STK4: variants seen among roughly 807,000 people sequenced by gnomAD.
STK4 encodes the protein serine/threonine kinase 4.
A neutral mutation model predicts 64.9 loss-of-function variants in STK4; 30 were observed. The observed-to-expected ratio is 0.46, with a 90% CI of 0.35 to 0.63. The LOEUF (loss-of-function observed/expected upper bound fraction) is 0.63. STK4 is among the 20% of genes least tolerant of loss of function. The probability of loss-of-function intolerance (pLI) is 0.01; values close to 1 mark genes in which losing one functional copy is unlikely to be tolerated. For synonymous variants in STK4, 177 were observed against 199.0 expected (o/e 0.89, Z 0.93); for missense variants, 466 against 598.5 (o/e 0.78, Z 2.31).
Position 44,981,813 on chromosome 20 carries a change from GTC to G in STK4, c.246-4_246-3del, listed in dbSNP as rs200105994. 1.8e-3 allele frequency: 2,578 copies of G among 1,408,698 alleles called. No homozygotes were observed. Among genetic ancestry groups the G allele is most frequent in the Non-Finnish European group, 2.1e-3 (2,144 of 1,004,112 alleles). 87.3% of individuals were successfully genotyped at this position (1,408,698 alleles called of 1,614,324 possible). A position where few individuals can be genotyped will look rare whatever the true frequency, so the allele number is the denominator to read the frequency against. On this transcript the variant is annotated splice_polypyrimidine_tract_variant and intron_variant, in intron 3 of 10. Coordinates refer to ENST00000372806, the MANE Select transcript of STK4 (RefSeq NM_006282.5). Reference sequence around the variant, plus strand: ...GAAGGCCATTTTATTAATTTGTATTGTCTCTCTCTCTCTAGCCCTCATGTAGT... The same window carrying G: ...GAAGGCCATTTTATTAATTTGTATTGTCTCTCTCTCTAGCCCTCATGTAGT...
chr20:44,988,003 G>T (rs1200459959), intron 5 of STK4, among the ~76,000 whole-genome samples: 5 of 150,710 alleles, frequency 3.3e-5, no homozygotes, highest in African/African-American at 1.2e-4. Flanking sequence ...TTATAAGTCT[G>T]CCTGGGACAT....
chr20:45,033,855 C>T (rs2068485355), intron 10 of STK4, among the ~76,000 whole-genome samples: 3 of 152,116 alleles, frequency 2.0e-5, no homozygotes. Flanking sequence ...GCTGGGATTA[C>T]AGGTGTGAGC....
intron 10 of STK4, among the ~76,000 whole-genome samples, chr20:45,062,989 C>CTTTTTTTTTTTTTTTTTTTTTTTTT (rs71197599): frequency 3.2e-5 from 1 of 31,500 alleles, no homozygotes; most frequent in Non-Finnish European, 5.8e-5. Context: ...CGCACCCGGC[C>CTTTTTTTTTTTTTTTTTTTTTTTTT]TTTTTTTTTT....
chr20:45,006,120 T>C (rs1337601066), intron 9 of STK4, among the ~76,000 whole-genome samples: 2 of 151,780 alleles, frequency 1.3e-5, no homozygotes, highest in Non-Finnish European at 2.9e-5. Flanking sequence ...TCTGGCTCTG[T>C]ACTTTTCAAT....
At chr20:45,007,507 A>G (rs1190032258) in intron 9 of STK4, among the ~76,000 whole-genome samples, 1 of 151,778 alleles carries the variant, frequency 6.6e-6, no homozygotes, top group Non-Finnish European at 1.5e-5. Context: ...AAATCGCGCC[A>G]CTGCACTCCA....
intron 1 of STK4, among the ~76,000 whole-genome samples, chr20:44,970,188 C>T (rs1490687450): frequency 6.6e-6 from 1 of 151,730 alleles, no homozygotes; most frequent in African/African-American, 2.4e-5. Flanking sequence ...ATGTAACTAA[C>T]CTGCACATTG....
At chr20:44,987,939 T>A (rs945778063) in intron 5 of STK4, among the ~76,000 whole-genome samples, 6 of 151,926 alleles carry the variant, frequency 3.9e-5, no homozygotes, top group Non-Finnish European at 7.4e-5. Flanking sequence ...ATATATATAG[T>A]GTGTGTTTAG....
At chr20:45,053,585 G>A (rs1978304085) in intron 10 of STK4, among the ~76,000 whole-genome samples, 1 of 152,172 alleles carries the variant, frequency 6.6e-6, no homozygotes, top group African/African-American at 2.4e-5. Flanking sequence ...TTAGGCCCTA[G>A]GAAGGACTGT....
Position 44,995,158 on chromosome 20 carries a change from A to G in STK4, c.594A>G (p.Glu198=). 1 of 1,614,020 alleles carries G rather than the reference A, an allele frequency of 6.2e-7. No homozygotes were observed. The highest frequency in any genetic ancestry group is 2.2e-5 in the East Asian group (1 of 44,870). Residue 198 remains glutamate (E), a synonymous_variant, in exon 6 of 11, where the codon GAA becomes GAG. Coordinates refer to ENST00000372806, the MANE Select transcript of STK4 (RefSeq NM_006282.5). ...GGATGGCTCCAGAAGTGATTCAGGA[A>G]ATTGGATACAACTGTGTAGCAGACA... ...PFWMAPEVIQ[E]IGYNCVADIW... is the part of the protein sequence containing the mutation.
chr20:44,977,178 C>T (rs1434858781), intron 2 of STK4, among the ~76,000 whole-genome samples: 1 of 152,118 alleles, frequency 6.6e-6, no homozygotes, highest in African/African-American at 2.4e-5. Context: ...TTGCCTCTCT[C>T]TGGCAAAAAG....
intron 2 of STK4, chr20:44,975,353 G>A: frequency 1.0e-6 from 1 of 984,726 alleles, no homozygotes; most frequent in Non-Finnish European, 1.2e-6. Context: ...ATGGAATCAG[G>A]AATCTTAACT....
chr20:44,994,083 G>T lies in STK4; in HGVS notation c.526-1007G>T, dbSNP rs939009536. Among the ~76,000 whole-genome samples the T allele has an allele frequency of 4.6e-5, 7 of 151,714 alleles. No homozygotes were observed. The East Asian group carries it at 1.3e-3, about 29-fold the overall frequency. On this transcript the variant is annotated intron_variant, in intron 5 of 10. Transcript: ENST00000372806. ...TGAGAAAGTATGCAAGTGGTTATTT[G>T]CTGTAATGTGTACTGTATCCACATA... is the stretch of plus-strand genomic sequence containing the variant.
intron 10 of STK4, among the ~76,000 whole-genome samples, chr20:45,063,433 G>C (rs1979273658): frequency 2.0e-5 from 3 of 152,146 alleles, no homozygotes. Context: ...TTTTTAACAG[G>C]AAGGTTTGTT....
intron 1 of STK4, among the ~76,000 whole-genome samples, chr20:44,969,159 TAC>T (rs1157474781): frequency 2.6e-5 from 4 of 152,298 alleles, no homozygotes; most frequent in Middle Eastern, 3.4e-3. Context: ...TGTCTCCAAA[TAC>T]AGTCACATTC....
rs1358925572 is a variant in STK4, at chr20:45,001,285, C to T, written c.1079C>T (p.Thr360Met). The T allele has an allele frequency of 6.8e-6, 11 of 1,613,986 alleles. No homozygotes were observed. Among genetic ancestry groups the T allele is most frequent in the East Asian group, 4.5e-5 (2 of 44,896 alleles). Residue 360 changes from threonine to methionine, a missense_variant, in exon 9 of 11, where the codon ACG becomes ATG. Transcript: ENST00000372806. ...GANTMIEHDD[T>M]LPSQLGTMVI... ...AATACTATGATTGAGCACGATGACA[C>T]GTTGCCATCACAACTGGGCACCATG...
chr20:45,066,663 GA>G (rs1979601753), intron 10 of STK4, among the ~76,000 whole-genome samples: 1 of 152,206 alleles, frequency 6.6e-6, no homozygotes, highest in South Asian at 2.1e-4. Context: ...TTGATAATGA[GA>G]ACTGCAAGTG....
chr20:45,042,255 C>A (rs1439665446), intron 10 of STK4, among the ~76,000 whole-genome samples: 1 of 151,906 alleles, frequency 6.6e-6, no homozygotes, highest in East Asian at 1.9e-4. Context: ...TTCAGTCTTT[C>A]TTTTCAGCTT....
intron 10 of STK4, among the ~76,000 whole-genome samples, chr20:45,040,277 G>A (rs1335977223): frequency 6.6e-6 from 1 of 151,890 alleles, no homozygotes; most frequent in Non-Finnish European, 1.5e-5. Flanking sequence ...ATAATCTCAG[G>A]TACAATGTAT....
At chr20:44,981,756 A>G (rs2067443606) in intron 3 of STK4, 73 bp from the exon 4 acceptor site, 4 of 875,082 alleles carry the variant, frequency 4.6e-6, no homozygotes, top group Non-Finnish European at 5.6e-6. Flanking sequence ...ATTAATTTGT[A>G]TATACTTGCT....
Sources: gnomAD v4.1 joint callset for allele counts (sites outside exome capture counted in the v4.1 genomes callset) on GRCh38, gnomAD v4.1.1 for gene constraint, MANE v1.5 for transcripts, NCBI Gene and HGNC (gene_info 2026-07-23, HGNC 2026-07-21) for gene names.